The following TEX26 variants were observed in gnomAD, a reference collection of about 807,000 sequenced individuals.
The protein encoded by TEX26 is testis-expressed protein 26.
TEX26 carries 34 observed loss-of-function variants against 35.3 expected under a neutral mutation model. That is an observed-to-expected ratio of 0.96 (90% confidence interval 0.73 to 1.28). The LOEUF (loss-of-function observed/expected upper bound fraction) is 1.28. Ranked by LOEUF, TEX26 falls within the 50% of genes most tolerant of loss-of-function variation. The pLI is 0.00. For synonymous variants in TEX26, 136 were observed against 111.8 expected, an observed-to-expected ratio of 1.22 and a Z score of -1.36; for missense variants, 371 against 330.1, an observed-to-expected ratio of 1.12 and a Z score of -0.96.
intron 2 of TEX26, among the ~76,000 whole-genome samples, chr13:30,950,735 A>C (rs907292341): frequency 6.6e-5 from 10 of 152,192 alleles, no homozygotes; most frequent in African/African-American, 2.4e-4. Flanking sequence ...AATACACATG[A>C]CATTGAGAAC....
At position 30,957,007 on chromosome 13, in the gene TEX26, A is replaced by G. The variant is rs533374617; in HGVS notation, c.447A>G (p.Arg149=). 3 of 1,614,180 alleles carry G rather than the reference A, an allele frequency of 1.9e-6. No homozygotes were observed. The South Asian group carries it at 3.3e-5, about 18-fold the overall frequency. The part of the protein sequence containing the change: ...LSNQFISLTK[R]DFVDRSKAQK... Reference sequence around the variant, plus strand: ...ATCAGTTTATTTCCCTTACTAAGAGAGACTTTGTGGACAGATCAAAAGGTA... The same window carrying G: ...ATCAGTTTATTTCCCTTACTAAGAGGGACTTTGTGGACAGATCAAAAGGTA... Residue 149 remains arginine (R), a synonymous_variant, in exon 4 of 7, where the codon AGA becomes AGG. Coordinates refer to ENST00000380473, the MANE Select transcript of TEX26 (RefSeq NM_152325.3).
At chr13:30,945,518 T>C (rs2138209731) in intron 2 of TEX26, among the ~76,000 whole-genome samples, 1 of 152,068 alleles carries the variant, frequency 6.6e-6, no homozygotes, top group East Asian at 1.9e-4. Flanking sequence ...ACTTTGTTTT[T>C]TTTCATTGTG....
chr13:30,938,634 G>A (rs1223647943), intron 1 of TEX26, among the ~76,000 whole-genome samples: 3 of 152,116 alleles, frequency 2.0e-5, no homozygotes, highest in Non-Finnish European at 4.4e-5. Context: ...ATACATTTGG[G>A]GATTAAGTTC....
At chr13:30,958,137 T>G (rs1954206102) in intron 4 of TEX26, among the ~76,000 whole-genome samples, 2 of 152,210 alleles carry the variant, frequency 1.3e-5, no homozygotes, top group African/African-American at 4.8e-5. Flanking sequence ...CCCTTAGGGC[T>G]CTGTGGCTGG....
chr13:30,973,296 A>G (rs1954771786), intron 6 of TEX26: 1 of 152,236 alleles, frequency 6.6e-6, no homozygotes, highest in African/African-American at 2.4e-5. Flanking sequence ...CTTCTGTATG[A>G]TTTCATTTAT....
chr13:30,932,754 C>T lies in TEX26; in HGVS notation c.39C>T (p.Leu13=), dbSNP rs140143587. ...QPGPRAPDPS[L]CHHNLQPTDD... is the part of the protein sequence containing the mutation. The stretch of plus-strand genomic sequence containing the variant: ...GGCCCAGGGCTCCGGATCCCTCTCT[C>T]TGCCACCACAACCTCCAGCCAAGTA... The change falls in exon 1 of 7, where the codon CTC becomes CTT. Residue 13 remains leucine (L), a synonymous_variant. Coordinates refer to ENST00000380473, the MANE Select transcript of TEX26 (RefSeq NM_152325.3). 1.2e-3 allele frequency: 1,913 copies of T among 1,613,958 alleles called. No individual in the cohort carries two copies. Among genetic ancestry groups the T allele is most frequent in the Admixed American group, 1.5e-3 (89 of 60,026 alleles).
At chr13:30,965,660 G>A (rs1247819965) in intron 4 of TEX26, among the ~76,000 whole-genome samples, 4 of 152,066 alleles carry the variant, frequency 2.6e-5, no homozygotes, top group Admixed American at 6.5e-5. Flanking sequence ...ATATTTCAAA[G>A]AAATAACAGT....
At chr13:30,941,495 A>G (rs1482924026) in intron 2 of TEX26, among the ~76,000 whole-genome samples, 1 of 152,190 alleles carries the variant, frequency 6.6e-6, no homozygotes, top group Non-Finnish European at 1.5e-5. Context: ...AAAAATTTTA[A>G]CTTTTTTATT....
Position 30,975,024 on chromosome 13 carries a change from G to A in TEX26, c.*117G>A, listed in dbSNP as rs901091893. On this transcript the variant is annotated 3_prime_UTR_variant, in exon 7 of 7. Coordinates refer to ENST00000380473, the MANE Select transcript of TEX26 (RefSeq NM_152325.3). ...AGATGCAAATAGCTTCAAGTATGAT[G>A]TGATAGTCATGAATTTGTGTCTTTT... 2.6e-5 allele frequency: 17 copies of A among 644,236 alleles called. No homozygotes were observed. The African/African-American group carries it at 3.1e-4, about 12-fold the overall frequency. The allele number at this position is 644,236 out of a possible 1,614,324, so 39.9% of individuals were successfully genotyped here. A position where few individuals can be genotyped will look rare whatever the true frequency, so the allele number is the denominator to read the frequency against.
chr13:30,961,550 G>C (rs929676126), intron 4 of TEX26, among the ~76,000 whole-genome samples: 1 of 151,866 alleles, frequency 6.6e-6, no homozygotes, highest in African/African-American at 2.4e-5. Flanking sequence ...CTAAAAAAAT[G>C]TGTTAACATT....
rs566403873 is a variant in TEX26 at position 30,937,750 on chromosome 13, G to C, written c.62-1944G>C. On this transcript the variant is annotated intron_variant, in intron 1 of 6. Coordinates refer to ENST00000380473, the MANE Select transcript of TEX26 (RefSeq NM_152325.3). Reference sequence around the variant, plus strand: ...AGAGTGGGGAATACAAGGGGCTAAGGCTTCAGTTATCTGACTAAGGGGCTC... The same window carrying C: ...AGAGTGGGGAATACAAGGGGCTAAGCCTTCAGTTATCTGACTAAGGGGCTC... Among the ~76,000 whole-genome samples the C allele has an allele frequency of 2.0e-5, 3 of 152,190 alleles. No individual in the cohort carries two copies. In the South Asian group the frequency reaches 6.2e-4, roughly 31 times the overall value.
In TEX26 at chr13:30,957,006, G is replaced by C. The variant is rs763510426; in HGVS notation, c.446G>C (p.Arg149Thr). The change falls in exon 4 of 7, where the codon AGA (arginine) becomes ACA (threonine). Residue 149 changes from arginine (R) to threonine (T), a missense_variant. Transcript: ENST00000380473. ...AATCAGTTTATTTCCCTTACTAAGA[G>C]AGACTTTGTGGACAGATCAAAAGGT... is the stretch of plus-strand genomic sequence containing the variant. ...LSNQFISLTK[R>T]DFVDRSKAQK... 17 of 1,614,060 alleles carry C rather than the reference G, an allele frequency of 1.1e-5. No individual in the cohort carries two copies. Among genetic ancestry groups the C allele is most frequent in the Non-Finnish European group, 1.4e-5 (16 of 1,180,044 alleles).
intron 6 of TEX26, among the ~76,000 whole-genome samples, chr13:30,969,542 C>T (rs1954647940): frequency 1.3e-5 from 2 of 152,144 alleles, no homozygotes; most frequent in Admixed American, 1.3e-4. Context: ...AAGACTTATC[C>T]TAGTTTGCAG....
intron 2 of TEX26, among the ~76,000 whole-genome samples, chr13:30,950,617 T>C (rs929944331): frequency 6.6e-6 from 1 of 152,176 alleles, no homozygotes; most frequent in African/African-American, 2.4e-5. Context: ...TGTTAGGAGA[T>C]AGAAAACCAG....
At chr13:30,945,863 C>T (rs539246175) in intron 2 of TEX26, among the ~76,000 whole-genome samples, 137 of 151,862 alleles carry the variant, frequency 9.0e-4, no homozygotes, top group Middle Eastern at 3.4e-3. Context: ...TTACCTGATG[C>T]TTTTGTCTCA....
Position 30,968,991 on chromosome 13 carries a change from A to C in TEX26, c.753A>C (p.Leu251Phe), listed in dbSNP as rs1451285101. The C allele has an allele frequency of 2.3e-5, 37 of 1,614,028 alleles. No homozygotes were observed. Among genetic ancestry groups the C allele is most frequent in the Non-Finnish European group, 2.8e-5 (33 of 1,179,992 alleles). Residue 251 changes from leucine (L) to phenylalanine (F), a missense_variant, in exon 6 of 7, where the codon TTA becomes TTC. Leu to Phe is a conservative substitution (Grantham distance 22, BLOSUM62 0). Coordinates refer to ENST00000380473, the MANE Select transcript of TEX26 (RefSeq NM_152325.3). ...DKTYPDFLMLLNSFTSSQVKE... is the reference protein window; with the variant it reads ...DKTYPDFLMLFNSFTSSQVKE... ...CCTACCCAGATTTCTTAATGCTTTT[A>C]AACTCATTTACTTCCTCTCAAGTCA...
intron 3 of TEX26, among the ~76,000 whole-genome samples, chr13:30,953,397 T>C (rs1241799544): frequency 5.3e-5 from 8 of 152,248 alleles, no homozygotes; most frequent in Admixed American, 4.6e-4. Context: ...AGACTACCCA[T>C]GTAGCATCCG....
intron 5 of TEX26, among the ~76,000 whole-genome samples, chr13:30,968,006 A>T (rs186877203): frequency 2.4e-4 from 36 of 152,242 alleles, no homozygotes; most frequent in African/African-American, 7.9e-4. Context: ...TTCTATGAGG[A>T]CCTTTGTTTA....
rs561699808 is a variant in TEX26 at position 30,945,331 on chromosome 13, A to T, written c.146+5553A>T. Among the ~76,000 whole-genome samples the T allele has an allele frequency of 2.0e-5, 3 of 151,554 alleles. No homozygotes were observed. In the South Asian group the frequency reaches 6.2e-4, roughly 31 times the overall value. ...TTCCACCCTTTTTCCTTGGGTTTAT[A>T]TGAATCCTTATGTTTTAGATCAGTC... On this transcript the variant is annotated intron_variant, in intron 2 of 6. Coordinates refer to ENST00000380473, the MANE Select transcript of TEX26 (RefSeq NM_152325.3).
Sources: gnomAD v4.1 joint callset for allele counts (sites outside exome capture counted in the v4.1 genomes callset) on GRCh38, gnomAD v4.1.1 for gene constraint, MANE v1.5 for transcripts, NCBI Gene and HGNC (gene_info 2026-07-23, HGNC 2026-07-21) for gene names.